The following PRDM4 variants were observed in gnomAD, a reference collection of about 807,000 sequenced individuals.
PRDM4 encodes PR domain zinc finger protein 4.
A neutral mutation model predicts 62.3 loss-of-function variants in PRDM4; 38 were observed. That is an observed-to-expected ratio of 0.61 (90% CI 0.47 to 0.80). PRDM4 has a LOEUF of 0.80. Ranked by LOEUF, PRDM4 falls within the 30% of genes least tolerant of loss-of-function variation. PRDM4 has a pLI of 0.00. For missense variants in PRDM4, 858 were observed against 997.1 expected, an observed-to-expected ratio of 0.86 and a Z score of 1.88; for synonymous variants, 339 against 348.2, an observed-to-expected ratio of 0.97 and a Z score of 0.30.
In PRDM4 at chr12:107,734,306, TG is replaced by T; in HGVS notation, c.2309del (p.Ser770Ter). 1 of 1,614,222 alleles carries T rather than the reference TG, an allele frequency of 6.2e-7. No individual in the cohort carries two copies. The highest frequency in any genetic ancestry group is 8.5e-7 in the Non-Finnish European group (1 of 1,180,042). On this transcript the variant is annotated frameshift_variant, in exon 12 of 12. Coordinates refer to ENST00000228437, the MANE Select transcript of PRDM4 (RefSeq NM_012406.4). LOFTEE classifies it high-confidence loss of function. ...SAPEEEEEDD[S>X]EEEDLADSVG... is the part of the protein sequence containing the mutation. Reference sequence around the variant, plus strand: ...CAGAGTCTGCTAGATCTTCCTCTTCTGAGTCATCCTCTTCTTCCTCCTCTGG... The same window carrying T: ...CAGAGTCTGCTAGATCTTCCTCTTCTAGTCATCCTCTTCTTCCTCCTCTGG...
chr12:107,741,892 G>A (rs937118762), intron 9 of PRDM4, among the ~76,000 whole-genome samples: 2 of 152,186 alleles, frequency 1.3e-5, no homozygotes, highest in African/African-American at 2.4e-5. Context: ...AGCATATGCA[G>A]GTTAAATCAA....
intron 5 of PRDM4, among the ~76,000 whole-genome samples, chr12:107,747,873 G>A (rs1890762479): frequency 1.3e-5 from 2 of 152,032 alleles, no homozygotes; most frequent in Admixed American, 1.3e-4. Context: ...GCTTCAGCCT[G>A]CTGGGTAGCT....
intron 11 of PRDM4, chr12:107,738,118 A>G (rs1890394112): frequency 6.6e-6 from 1 of 152,108 alleles, no homozygotes; most frequent in Non-Finnish European, 1.5e-5. Context: ...CTTGCTCATG[A>G]CTGCCTTCTC....
At chr12:107,746,590 T>G (rs1316798266) in intron 5 of PRDM4, among the ~76,000 whole-genome samples, 166 bp from the exon 6 acceptor site, 2 of 151,974 alleles carry the variant, frequency 1.3e-5, no homozygotes, top group African/African-American at 4.8e-5. Context: ...GTATAAGCGA[T>G]TCTCCTGTCT....
intron 11 of PRDM4, chr12:107,738,045 G>A (rs2136308668): frequency 6.6e-6 from 1 of 152,236 alleles, no homozygotes; most frequent in Non-Finnish European, 1.5e-5. Flanking sequence ...CACAGTCCTG[G>A]AGGCTGGAGT....
intron 3 of PRDM4, among the ~76,000 whole-genome samples, chr12:107,756,231 G>T (rs1393427866): frequency 6.6e-6 from 1 of 152,142 alleles, no homozygotes; most frequent in African/African-American, 2.4e-5. Context: ...CTGCACTCCA[G>T]CCTGGATGAC....
Position 107,743,243 on chromosome 12 carries a change from T to C in PRDM4, c.1435A>G (p.Thr479Ala), listed in dbSNP as rs1291144496. ...NGVLEFCIIT[T>A]DENECNWMMF... ...ATCCAATTACATTCATTTTCATCAGTTGTAATGATGCAGAATTCTAGGACA... is the reference window on the plus strand; with the variant it reads ...ATCCAATTACATTCATTTTCATCAGCTGTAATGATGCAGAATTCTAGGACA... The change falls in exon 8 of 12, where the codon ACT (threonine) becomes GCT (alanine). Residue 479 changes from threonine (T) to alanine (A), a missense_variant. Transcript: ENST00000228437. 21 of 1,613,532 alleles carry C rather than the reference T, an allele frequency of 1.3e-5. No homozygotes were observed. The highest frequency in any genetic ancestry group is 1.5e-5 in the Non-Finnish European group (18 of 1,179,580).
chr12:107,744,747 T>A, intron 6 of PRDM4, 86 bp from the exon 7 acceptor site: 1 of 1,538,202 alleles, frequency 6.5e-7, no homozygotes. Context: ...ATGCAAAGAA[T>A]CTTATTTTCA....
In PRDM4 at chr12:107,744,658, A is replaced by T; in HGVS notation, c.1280T>A (p.Val427Glu). ...CACAGGAATGGTTTCTCCAGTCCAT[A>T]CACCTGTCAGTGGAAGGACACCAAC... ...RQSIVGAEVG[V>E]WTGETIPVRT... Residue 427 changes from valine to glutamate, a missense_variant, in exon 7 of 12, where the codon GTA (valine) becomes GAA (glutamate). Around this residue, in one of 3 missense-constraint regions of PRDM4, gnomAD observed 499 missense variants for 546.7 expected, o/e 0.91. Transcript: ENST00000228437. The T allele has an allele frequency of 6.2e-7, 1 of 1,613,514 alleles. No individual in the cohort carries two copies. Among genetic ancestry groups the T allele is most frequent in the Non-Finnish European group, 8.5e-7 (1 of 1,179,466 alleles).
Position 107,756,858 on chromosome 12 carries a change from G to T in PRDM4, c.119C>A (p.Pro40His). 6.2e-7 allele frequency: 1 copy of T among 1,614,104 alleles called. No homozygotes were observed. Among genetic ancestry groups the T allele is most frequent in the Non-Finnish European group, 8.5e-7 (1 of 1,180,020 alleles). Residue 40 changes from proline to histidine, a missense_variant, in exon 3 of 12, where the codon CCC becomes CAC. Pro to His is a moderately conservative substitution (Grantham distance 77). Transcript: ENST00000228437. ...TGGGGCAGGGATGGCACTGTGAGTG[G>T]GTGAGGCAGCCAATCCCAGGTGACT... is the stretch of plus-strand genomic sequence containing the variant. ...SGSHLGLAASPTHSAIPAPGL... is the reference protein window; with the variant it reads ...SGSHLGLAASHTHSAIPAPGL...
intron 3 of PRDM4, among the ~76,000 whole-genome samples, chr12:107,756,039 G>A (rs924374595): frequency 1.3e-5 from 2 of 152,022 alleles, no homozygotes; most frequent in African/African-American, 2.4e-5. Flanking sequence ...GCAGTGAGCC[G>A]AGATCGTGCC....
rs566700670 is a variant in PRDM4, at chr12:107,751,799, C to T, written c.742G>A (p.Ala248Thr). ...DSVSNNLAAD[A>T]VGHGGVIPMH... ...GGTATCACACCACCATGTCCTACAG[C>T]GTCTGCTGCAAGGTTGTTGCTCACA... The change falls in exon 5 of 12, where the codon GCT (alanine) becomes ACT (threonine). Residue 248 changes from alanine to threonine, a missense_variant. This residue lies in a region of PRDM4 where 499 missense variants were observed against 546.7 expected (regional missense o/e 0.91). Coordinates refer to ENST00000228437, the MANE Select transcript of PRDM4 (RefSeq NM_012406.4). 25 of 1,614,216 alleles carry T rather than the reference C, an allele frequency of 1.5e-5. No homozygotes were observed. Among genetic ancestry groups the T allele is most frequent in the East Asian group, 1.1e-4 (5 of 44,888 alleles).
At position 107,734,543 on chromosome 12, in the gene PRDM4, A is replaced by T. The variant is rs148832135; in HGVS notation, c.2094-21T>A. 6.8e-4 allele frequency: 1,086 copies of T among 1,591,556 alleles called. 2 individuals are homozygous for T. The highest frequency in any genetic ancestry group is 8.6e-4 in the Non-Finnish European group (1,008 of 1,168,486). Reference sequence around the variant, plus strand: ...GTTCTCTAAGAGGAACACAAGAAAAAACATTTGATTTGGGGTTACAAATAA... The same window carrying T: ...GTTCTCTAAGAGGAACACAAGAAAATACATTTGATTTGGGGTTACAAATAA... On this transcript the variant is annotated intron_variant, in intron 11 of 11. Coordinates refer to ENST00000228437, the MANE Select transcript of PRDM4 (RefSeq NM_012406.4).
chr12:107,760,436 G>T, intron 2 of PRDM4, 69 bp downstream of exon 2: 3 of 1,599,256 alleles, frequency 1.9e-6, no homozygotes, highest in South Asian at 2.2e-5. Context: ...CAACGGCACT[G>T]ACCCTGGACA....
At chr12:107,748,000 G>A (rs1440715726) in intron 5 of PRDM4, among the ~76,000 whole-genome samples, 1 of 151,804 alleles carries the variant, frequency 6.6e-6, no homozygotes, top group African/African-American at 2.4e-5. Context: ...TAGAAACACG[G>A]CAAATCGTCT....
chr12:107,745,080 AAAAACAATATGCT>A (rs1375931966), intron 6 of PRDM4, among the ~76,000 whole-genome samples: 9 of 151,666 alleles, frequency 5.9e-5, no homozygotes, highest in Non-Finnish European at 7.4e-5. Flanking sequence ...AAAAAATAAA[AAAAACAATATGCT>A]AGCATTCCTC....
intron 3 of PRDM4, among the ~76,000 whole-genome samples, chr12:107,756,169 A>G (rs181006769): frequency 6.6e-6 from 1 of 152,018 alleles, no homozygotes; most frequent in East Asian, 1.9e-4. Flanking sequence ...CTGAAGCAGG[A>G]GAATCACTTG....
chr12:107,740,927 A>C lies in PRDM4; in HGVS notation c.1924+19T>G. On this transcript the variant is annotated intron_variant, in intron 10 of 11. Coordinates refer to ENST00000228437, the MANE Select transcript of PRDM4 (RefSeq NM_012406.4). Reference sequence around the variant, plus strand: ...TAATTGTTGCAAAAATTCCATTCTGATGGGCCAACACAACTTACCTGTATG... The same window carrying C: ...TAATTGTTGCAAAAATTCCATTCTGCTGGGCCAACACAACTTACCTGTATG... 1 of 1,598,560 alleles carries C rather than the reference A, an allele frequency of 6.3e-7. No homozygotes were observed. The highest frequency in any genetic ancestry group is 8.5e-7 in the Non-Finnish European group (1 of 1,169,918).
intron 4 of PRDM4, among the ~76,000 whole-genome samples, chr12:107,753,514 G>T (rs555189868): frequency 2.5e-3 from 381 of 152,284 alleles, no homozygotes; most frequent in African/African-American, 8.8e-3. Context: ...GGACTGAGTG[G>T]TTCCTTCCCT....
Sources: gnomAD v4.1 joint callset for allele counts (sites outside exome capture counted in the v4.1 genomes callset) on GRCh38, gnomAD v4.1.1 for gene constraint, gnomAD v4.1.1 regional missense constraint, MANE v1.5 for transcripts, NCBI Gene and HGNC (gene_info 2026-07-23, HGNC 2026-07-21) for gene names.